Variants in CACHD1 observed in about 807,000 individuals in gnomAD.
CACHD1 encodes VWFA and cache domain-containing protein 1.
Under a neutral mutation model 138.7 loss-of-function variants are expected in CACHD1, and 71 were observed. The observed-to-expected ratio is 0.51, with a 90% CI of 0.42 to 0.62. The LOEUF (loss-of-function observed/expected upper bound fraction) is 0.62. CACHD1 is among the 20% of genes least tolerant of loss of function. CACHD1 has a pLI of 0.00. For missense variants in CACHD1, 1,389 were observed against 1,625.3 expected (o/e 0.85, Z 2.50); for synonymous variants, 578 against 591.5 (o/e 0.98, Z 0.33).
At chr1:64,689,657 A>C (rs1650480966) in intron 26 of CACHD1, among the ~76,000 whole-genome samples, 1 of 151,988 alleles carries the variant, frequency 6.6e-6, no homozygotes, top group Admixed American at 6.6e-5. Context: ...GATTTGACTT[A>C]ACTTCATGCC....
At chr1:64,618,356 T>G (rs1366361032) in intron 4 of CACHD1, among the ~76,000 whole-genome samples, 1 of 152,222 alleles carries the variant, frequency 6.6e-6, no homozygotes, top group Non-Finnish European at 1.5e-5. Context: ...CCATGGCCCC[T>G]TTCCACAATA....
intron 7 of CACHD1, among the ~76,000 whole-genome samples, chr1:64,635,757 T>C (rs1232202783): frequency 6.6e-6 from 1 of 152,104 alleles, no homozygotes; most frequent in Non-Finnish European, 1.5e-5. Context: ...ATATTTGAAA[T>C]GGGGCTCATG....
intron 1 of CACHD1, among the ~76,000 whole-genome samples, chr1:64,484,932 C>A (rs1646233193): frequency 6.6e-6 from 1 of 152,226 alleles, no homozygotes; most frequent in Non-Finnish European, 1.5e-5. Flanking sequence ...AATGCTACTA[C>A]AAACATGAGT....
At chr1:64,624,973 C>T (rs1360645533) in intron 4 of CACHD1, among the ~76,000 whole-genome samples, 1 of 152,172 alleles carries the variant, frequency 6.6e-6, no homozygotes, top group Middle Eastern at 3.2e-3. Context: ...TGGCACACAG[C>T]CCATTCATTC....
At chr1:64,625,782 T>A (rs189162217) in intron 4 of CACHD1, among the ~76,000 whole-genome samples, 113 of 152,162 alleles carry the variant, frequency 7.4e-4, no homozygotes, top group African/African-American at 2.5e-3. Flanking sequence ...TAAAAAAAAA[T>A]TTTTTAAAGT....
intron 3 of CACHD1, among the ~76,000 whole-genome samples, chr1:64,600,203 C>T (rs1278952114): frequency 6.6e-5 from 10 of 152,104 alleles, no homozygotes; most frequent in African/African-American, 9.7e-5. Context: ...TCAGAAGATC[C>T]GGTGTCTTCG....
At chr1:64,620,035 A>G (rs1647853077) in intron 4 of CACHD1, among the ~76,000 whole-genome samples, 1 of 152,188 alleles carries the variant, frequency 6.6e-6, no homozygotes, top group South Asian at 2.1e-4. Flanking sequence ...TCTAAATCTC[A>G]TCTCCCTCTT....
intron 7 of CACHD1, among the ~76,000 whole-genome samples, chr1:64,635,544 T>C: frequency 6.6e-6 from 1 of 151,418 alleles, no homozygotes; most frequent in Non-Finnish European, 1.5e-5. Flanking sequence ...CCACCATGCC[T>C]GGCTAATTTT....
intron 8 of CACHD1, among the ~76,000 whole-genome samples, chr1:64,647,316 T>C (rs1648941664): frequency 6.6e-6 from 1 of 152,238 alleles, no homozygotes; most frequent in Non-Finnish European, 1.5e-5. Context: ...TTCTTTCATT[T>C]AGTTGCATGG....
chr1:64,555,214 C>T (rs1367219147), intron 2 of CACHD1, among the ~76,000 whole-genome samples: 1 of 152,016 alleles, frequency 6.6e-6, no homozygotes, highest in Non-Finnish European at 1.5e-5. Flanking sequence ...GTCTTGAACT[C>T]CTGAGCTCAA....
intron 5 of CACHD1, among the ~76,000 whole-genome samples, chr1:64,629,808 T>C (rs1218349252): frequency 6.6e-6 from 1 of 152,186 alleles, no homozygotes; most frequent in Non-Finnish European, 1.5e-5. Flanking sequence ...ACCTTATCTA[T>C]AGTGCAGCCC....
intron 3 of CACHD1, among the ~76,000 whole-genome samples, chr1:64,597,807 A>G (rs1250081149): frequency 2.0e-5 from 3 of 152,134 alleles, no homozygotes; most frequent in Non-Finnish European, 4.4e-5. Flanking sequence ...TGGCCTTTCC[A>G]TAAACCCGGA....
chr1:64,662,163 G>A (rs998197378), intron 13 of CACHD1, among the ~76,000 whole-genome samples: 2 of 152,192 alleles, frequency 1.3e-5, no homozygotes, highest in South Asian at 4.1e-4. Flanking sequence ...CACAAAAGGT[G>A]AAGACTCTAA....
intron 2 of CACHD1, among the ~76,000 whole-genome samples, chr1:64,553,241 G>C (rs1449118201): frequency 6.6e-6 from 1 of 152,124 alleles, no homozygotes; most frequent in Non-Finnish European, 1.5e-5. Context: ...CATTATGATG[G>C]TTCTCCCATG....
At chr1:64,635,872 G>A (rs1648508198) in intron 7 of CACHD1, among the ~76,000 whole-genome samples, 1 of 151,708 alleles carries the variant, frequency 6.6e-6, no homozygotes, top group South Asian at 2.1e-4. Flanking sequence ...AGCCCTTTGG[G>A]AGGCTGAGGT....
At chr1:64,616,874 G>T (rs1407185220) in intron 4 of CACHD1, among the ~76,000 whole-genome samples, 2 of 152,206 alleles carry the variant, frequency 1.3e-5, no homozygotes, top group African/African-American at 4.8e-5. Context: ...GGTTGAGTGG[G>T]ATGGCAAGAA....
At chr1:64,635,720 A>G (rs1479742902) in intron 7 of CACHD1, among the ~76,000 whole-genome samples, 2 of 152,130 alleles carry the variant, frequency 1.3e-5, no homozygotes, top group African/African-American at 4.8e-5. Context: ...ATCTGGAATT[A>G]GGATGCATCC....
chr1:64,499,510 G>GA (rs1426323761), intron 1 of CACHD1, among the ~76,000 whole-genome samples: 1 of 152,198 alleles, frequency 6.6e-6, no homozygotes, highest in East Asian at 1.9e-4. Context: ...AGGAGATGGT[G>GA]AAACTCAGAG....
At chr1:64,651,271 T>G (rs1649084680) in intron 9 of CACHD1, among the ~76,000 whole-genome samples, 1 of 152,214 alleles carries the variant, frequency 6.6e-6, no homozygotes, top group East Asian at 1.9e-4. Flanking sequence ...CCCGAATGAC[T>G]GGAAATACAT....
Sources: allele counts gnomAD v4.1 joint callset (sites outside exome capture counted in the v4.1 genomes callset), GRCh38; gene constraint gnomAD v4.1.1; transcripts MANE v1.5; gene names NCBI Gene and HGNC (gene_info 2026-07-23, HGNC 2026-07-21).